TRDN: variants seen among roughly 807,000 people sequenced by gnomAD.
TRDN encodes triadin.
Under a neutral mutation model 149.7 loss-of-function variants are expected in TRDN, and 161 were observed. That is an observed-to-expected ratio of 1.08 (90% CI 0.95 to 1.23). The LOEUF (loss-of-function observed/expected upper bound fraction) is 1.23, where lower values mean the gene tolerates loss of function less well. Ranked by LOEUF, TRDN falls within the 50% of genes most tolerant of loss-of-function variation. TRDN has a pLI of 0.00. For missense variants in TRDN, 896 were observed against 823.5 expected, an observed-to-expected ratio of 1.09 and a Z score of -1.08; for synonymous variants, 294 against 250.5, an observed-to-expected ratio of 1.17 and a Z score of -1.64.
chr6:123,227,285 A>G (rs1775412225), intron 38 of TRDN, among the ~76,000 whole-genome samples: 1 of 151,950 alleles, frequency 6.6e-6, no homozygotes, highest in Non-Finnish European at 1.5e-5. Flanking sequence ...AGGCTTTGCC[A>G]AAAGAATGAA....
At chr6:123,245,189 A>G (rs1242853260) in intron 38 of TRDN, among the ~76,000 whole-genome samples, 2 of 152,182 alleles carry the variant, frequency 1.3e-5, no homozygotes, top group Non-Finnish European at 2.9e-5. Flanking sequence ...CGCATCAACT[A>G]ATATGCAAAA....
intron 9 of TRDN, among the ~76,000 whole-genome samples, chr6:123,495,424 C>T (rs1415777061): frequency 6.6e-6 from 1 of 151,892 alleles, no homozygotes; most frequent in Non-Finnish European, 1.5e-5. Context: ...GAGGCTGAGG[C>T]AGGAGAATCG....
At chr6:123,295,534 G>T (rs779949549) in intron 24 of TRDN, among the ~76,000 whole-genome samples, 18 of 152,088 alleles carry the variant, frequency 1.2e-4, no homozygotes, top group Non-Finnish European at 2.1e-4. Flanking sequence ...ATTGCCAAAA[G>T]AAAATATTTT....
intron 5 of TRDN, among the ~76,000 whole-genome samples, chr6:123,527,189 G>A (rs1169505641): frequency 6.6e-6 from 1 of 151,900 alleles, no homozygotes; most frequent in Non-Finnish European, 1.5e-5. Context: ...CCATGCTTTA[G>A]TTTATTTATT....
At chr6:123,433,251 G>C (rs560400256) in intron 12 of TRDN, among the ~76,000 whole-genome samples, 1 of 148,658 alleles carries the variant, frequency 6.7e-6, no homozygotes, top group African/African-American at 2.5e-5. Context: ...TTTAAATGCT[G>C]TCTCTCAGAG....
At chr6:123,512,102 A>G (rs563385678) in intron 7 of TRDN, among the ~76,000 whole-genome samples, 2 of 150,760 alleles carry the variant, frequency 1.3e-5, no homozygotes, top group Non-Finnish European at 2.9e-5. Flanking sequence ...GGAGCTCTTC[A>G]TTTTCCTCTC....
At chr6:123,321,508 C>T (rs1238854529) in intron 23 of TRDN, among the ~76,000 whole-genome samples, 1 of 152,042 alleles carries the variant, frequency 6.6e-6, no homozygotes, top group Non-Finnish European at 1.5e-5. Context: ...GTTGCTACTA[C>T]TTGCTATTAC....
Position 123,377,399 on chromosome 6 carries a change from G to A in TRDN, c.1246+317C>T, listed in dbSNP as rs9401666. ...AATACTGCACAGATGAATTCACTGA[G>A]GGTCTTGTGAAGTTGCAGACTCTGA... On this transcript the variant is annotated intron_variant, in intron 18 of 40. Coordinates refer to ENST00000334268, the MANE Select transcript of TRDN (RefSeq NM_006073.4). Among the ~76,000 whole-genome samples the A allele has an allele frequency of 0.18, 28,122 of 152,094 alleles. 3,751 individuals carry two copies. The highest frequency in any genetic ancestry group is 0.66 in the East Asian group (3,397 of 5,150).
intron 1 of TRDN, among the ~76,000 whole-genome samples, chr6:123,627,454 C>G (rs1337499243): frequency 1.3e-5 from 2 of 151,996 alleles, no homozygotes; most frequent in Non-Finnish European, 2.9e-5. Flanking sequence ...ATTCAGTAAA[C>G]TATGTTGTAA....
At chr6:123,360,514 A>G (rs1432541267) in intron 20 of TRDN, among the ~76,000 whole-genome samples, 1 of 152,200 alleles carries the variant, frequency 6.6e-6, no homozygotes, top group Non-Finnish European at 1.5e-5. Flanking sequence ...TGAGAAATCT[A>G]GTAACATAAG....
At chr6:123,350,485 T>C (rs1780421199) in intron 21 of TRDN, 5 of 559,332 alleles carry the variant, frequency 8.9e-6, no homozygotes. Context: ...AACTAATAGA[T>C]TATTTATACT....
rs181758582 is a variant in TRDN, at chr6:123,453,487, G to A, written c.931+11419C>T. ...ATTCTCAAAAGAAGATATACAAATG[G>A]CCAACAAAAATATGAAAAAATGCTC... On this transcript the variant is annotated intron_variant, in intron 10 of 40. Transcript: ENST00000334268. 1.5e-3 allele frequency among the ~76,000 whole-genome samples: 231 copies of A among 152,048 alleles called. 1 individual carries two copies. The highest frequency in any genetic ancestry group is 5.4e-3 in the African/African-American group (225 of 41,470).
chr6:123,326,785 T>C (rs1779472541), intron 23 of TRDN, among the ~76,000 whole-genome samples: 1 of 152,128 alleles, frequency 6.6e-6, no homozygotes, highest in Non-Finnish European at 1.5e-5. Flanking sequence ...TTTGCTCAAT[T>C]AGCTATTTTT....
At chr6:123,556,951 G>C (rs1414971325) in intron 2 of TRDN, among the ~76,000 whole-genome samples, 1 of 152,074 alleles carries the variant, frequency 6.6e-6, no homozygotes, top group African/African-American at 2.4e-5. Flanking sequence ...CACAAAAGAA[G>C]TGAAAGTGGC....
At chr6:123,444,459 T>C (rs1217566659) in intron 10 of TRDN, among the ~76,000 whole-genome samples, 2 of 150,338 alleles carry the variant, frequency 1.3e-5, no homozygotes, top group Non-Finnish European at 2.9e-5. Context: ...AATCATGTCG[T>C]CTGCAAAGAG....
intron 38 of TRDN, among the ~76,000 whole-genome samples, chr6:123,234,736 G>A (rs899290859): frequency 1.3e-5 from 2 of 152,056 alleles, no homozygotes; most frequent in Non-Finnish European, 2.9e-5. Flanking sequence ...TTTTGTTGAA[G>A]GACTGGGTTT....
chr6:123,287,532 G>A (rs1777844108), intron 24 of TRDN, among the ~76,000 whole-genome samples: 1 of 152,088 alleles, frequency 6.6e-6, no homozygotes, highest in East Asian at 1.9e-4. Flanking sequence ...AGGAATGGCT[G>A]TTTGTCACAA....
chr6:123,422,266 G>A (rs1773937717), intron 12 of TRDN, among the ~76,000 whole-genome samples: 2 of 152,082 alleles, frequency 1.3e-5, no homozygotes, highest in African/African-American at 2.4e-5. Context: ...CATCTAACAT[G>A]TTACCCAAGT....
rs1213181076 is a variant in TRDN, at chr6:123,278,272, T to C, written c.1567+46A>G. The C allele has an allele frequency of 2.5e-6, 3 of 1,211,874 alleles. No homozygotes were observed. The East Asian group carries it at 9.4e-5, about 38-fold the overall frequency. The allele number at this position is 1,211,874 out of a possible 1,614,324, so 75.1% of individuals were successfully genotyped here. On this transcript the variant is annotated intron_variant, in intron 26 of 40. Coordinates refer to ENST00000334268, the MANE Select transcript of TRDN (RefSeq NM_006073.4). ...TTGCAAAGAGATATTGTGCTATTTA[T>C]TCTAAACATGGAAATCATATATGTG...
Sources: allele counts gnomAD v4.1 joint callset (sites outside exome capture counted in the v4.1 genomes callset), GRCh38; gene constraint gnomAD v4.1.1; transcripts MANE v1.5; gene names NCBI Gene and HGNC (gene_info 2026-07-23, HGNC 2026-07-21).